Variants in FUT8 observed in about 807,000 individuals in gnomAD.
FUT8 encodes alpha-(1,6)-fucosyltransferase.
FUT8 carries 29 observed loss-of-function variants against 71.3 expected under a neutral mutation model. The ratio of observed to expected loss-of-function variants is 0.41; its 90% CI spans 0.30 to 0.55. The LOEUF is 0.55. Among genes scored for constraint, FUT8 ranks in the 20% least tolerant of loss-of-function variants. FUT8 has a pLI of 0.34. For missense variants in FUT8, 544 were observed against 702.1 expected (o/e 0.77, Z 2.55); for synonymous variants, 254 against 239.3 (o/e 1.06, Z -0.57).
At chr14:65,713,708 GC>G (rs1372532337) in intron 7 of FUT8, among the ~76,000 whole-genome samples, 1 of 152,002 alleles carries the variant, frequency 6.6e-6, no homozygotes, top group Non-Finnish European at 1.5e-5. Context: ...CGGATCTTTT[GC>G]CCATTTTTGA....
intron 1 of FUT8, among the ~76,000 whole-genome samples, chr14:65,424,539 C>CTTTTTTTTTTTTTTTTTTTTTTTTT (rs796843891): frequency 8.0e-6 from 1 of 125,448 alleles, no homozygotes; most frequent in African/African-American, 3.0e-5. Flanking sequence ...CTTTTCTTTT[C>CTTTTTTTTTTTTTTTTTTTTTTTTT]TTTTTTTTTT....
rs544400432 is a variant in FUT8 at position 65,483,947 on chromosome 14, C to T, written c.-228+28229C>T. Among the ~76,000 whole-genome samples, 8 of 152,216 alleles carry T rather than the reference C, an allele frequency of 5.3e-5. No homozygotes were observed. The South Asian group carries it at 1.2e-3, about 24-fold the overall frequency. ...TTCACCATCTTGGCCAGGCTGGTCT[C>T]GAACTCCTGACCTCAAGTATCTGCC... On this transcript the variant is annotated intron_variant, in intron 2 of 10. Coordinates refer to ENST00000673929, the MANE Select transcript of FUT8 (RefSeq NM_001371533.1). The surrounding 1 kb of genome is among the most constrained non-coding windows in gnomAD (Gnocchi z 4.4).
intron 6 of FUT8, among the ~76,000 whole-genome samples, chr14:65,650,542 C>T (rs140857748): frequency 7.3e-5 from 11 of 151,416 alleles, no homozygotes; most frequent in Non-Finnish European, 1.5e-4. Context: ...AGGACTCTAT[C>T]GTGAGAAAAA....
intron 3 of FUT8, among the ~76,000 whole-genome samples, chr14:65,606,989 T>C (rs1012115893): frequency 6.6e-6 from 1 of 151,970 alleles, no homozygotes; most frequent in Non-Finnish European, 1.5e-5. Flanking sequence ...CTGTTGTAAA[T>C]GTGATATTTT....
the FUT8 span, among the ~76,000 whole-genome samples, chr14:65,380,126 G>A: frequency 2.0e-5 from 3 of 152,196 alleles, no homozygotes; most frequent in Admixed American, 6.5e-5. Flanking sequence ...AGAAAAAGAG[G>A]TTTAATTGGA....
chr14:65,570,800 A>G (rs1174546944), intron 3 of FUT8, among the ~76,000 whole-genome samples: 1 of 152,170 alleles, frequency 6.6e-6, no homozygotes. Flanking sequence ...TTTGAGTCCT[A>G]GTGGACGAAC....
chr14:65,536,134 C>T (rs1884295668), intron 2 of FUT8, among the ~76,000 whole-genome samples: 1 of 151,996 alleles, frequency 6.6e-6, no homozygotes, highest in African/African-American at 2.4e-5. Context: ...ATTTTTTAGC[C>T]TACGGGTGTC....
At position 65,441,055 on chromosome 14, in the gene FUT8, C is replaced by T. The variant is rs2065647332; in HGVS notation, c.-325-14566C>T. On this transcript the variant is annotated intron_variant, in intron 1 of 10. Transcript: ENST00000673929. ...GAGGAAAAAAAAGAATGAATATAAG[C>T]TGGTTATATTGAAGTATATTTTACA... Among the ~76,000 whole-genome samples the T allele has an allele frequency of 2.0e-5, 3 of 151,998 alleles. No homozygotes were observed. In the South Asian group the frequency reaches 6.2e-4, roughly 31 times the overall value.
intron 1 of FUT8, among the ~76,000 whole-genome samples, chr14:65,437,749 C>G (rs2065582900): frequency 6.6e-6 from 1 of 152,006 alleles, no homozygotes; most frequent in Non-Finnish European, 1.5e-5. Flanking sequence ...ATCCTTAAAA[C>G]AGCAAGGAAG....
At chr14:65,407,155 TG>T (rs1277764606), upstream of FUT8, among the ~76,000 whole-genome samples, 3 of 152,178 alleles carry the variant, frequency 2.0e-5, no homozygotes, top group African/African-American at 7.2e-5. Context: ...TGAACCAGAT[TG>T]GTGTGATGTG....
At chr14:65,585,536 ATAAT>A (rs1887335989) in intron 3 of FUT8, among the ~76,000 whole-genome samples, 1 of 152,236 alleles carries the variant, frequency 6.6e-6, no homozygotes, top group African/African-American at 2.4e-5. Flanking sequence ...GTCTATATAA[ATAAT>A]ATGAAATGAC....
the FUT8 span, among the ~76,000 whole-genome samples, chr14:65,381,411 A>G: frequency 9.2e-5 from 14 of 152,338 alleles, no homozygotes; most frequent in African/African-American, 3.1e-4. Context: ...TAGATGGCTG[A>G]AAGTGGACAA....
rs960534448 is a variant in FUT8 at position 65,449,745 on chromosome 14, C to T, written c.-325-5876C>T. Among the ~76,000 whole-genome samples, 4 of 152,218 alleles carry T rather than the reference C, an allele frequency of 2.6e-5. No homozygotes were observed. In the South Asian group the frequency reaches 8.3e-4, roughly 32 times the overall value. The stretch of plus-strand genomic sequence containing the variant: ...CAGCCTCTTCTAGGCTGTCGCCACC[C>T]CTGCCTTACCCTATTTCACTGTGGA... On this transcript the variant is annotated intron_variant, in intron 1 of 10. Coordinates refer to ENST00000673929, the MANE Select transcript of FUT8 (RefSeq NM_001371533.1).
intron 2 of FUT8, among the ~76,000 whole-genome samples, chr14:65,471,503 T>C (rs2066146294): frequency 6.6e-6 from 1 of 151,992 alleles, no homozygotes. Flanking sequence ...CTCAGGAAAG[T>C]ATGGGGACCC....
intron 1 of FUT8, among the ~76,000 whole-genome samples, chr14:65,436,423 G>T (rs1460154635): frequency 6.6e-6 from 1 of 152,116 alleles, no homozygotes; most frequent in East Asian, 1.9e-4. Flanking sequence ...GAGGTCAGGA[G>T]ATCGAGACCA....
intron 1 of FUT8, among the ~76,000 whole-genome samples, chr14:65,436,088 G>A (rs1384439993): frequency 6.6e-6 from 1 of 151,846 alleles, no homozygotes; most frequent in Non-Finnish European, 1.5e-5. Flanking sequence ...GTGCCACCAT[G>A]TCTGGCTAGT....
At chr14:65,432,478 C>G (rs979627531) in intron 1 of FUT8, among the ~76,000 whole-genome samples, 5 of 151,216 alleles carry the variant, frequency 3.3e-5, no homozygotes, top group African/African-American at 1.2e-4. Context: ...CCGTCAGATT[C>G]ATTCGCTTGT....
At position 65,478,507 on chromosome 14, in the gene FUT8, T is replaced by C. The variant is rs368478241; in HGVS notation, c.-228+22789T>C. ...TGAATTCTTAAGTGTGATTTTTTTT[T>C]CTAATTTGGGGATAGCTCCTATTTT... On this transcript the variant is annotated intron_variant, in intron 2 of 10. Coordinates refer to ENST00000673929, the MANE Select transcript of FUT8 (RefSeq NM_001371533.1). Among the ~76,000 whole-genome samples the C allele has an allele frequency of 1.2e-4, 19 of 152,278 alleles. 3 individuals carry two copies. Among genetic ancestry groups the C allele is most frequent in the African/African-American group, 4.3e-4 (18 of 41,554 alleles).
chr14:65,631,875 A>G (rs776305080), intron 6 of FUT8, among the ~76,000 whole-genome samples: 5 of 142,330 alleles, frequency 3.5e-5, no homozygotes, highest in Non-Finnish European at 7.7e-5. Flanking sequence ...CCAAGTCCCC[A>G]AAGTTCATTG....
Sources: allele counts gnomAD v4.1 joint callset (sites outside exome capture counted in the v4.1 genomes callset), GRCh38; gene constraint gnomAD v4.1.1; non-coding constraint Gnocchi (gnomAD v3.1); transcripts MANE v1.5; gene names NCBI Gene and HGNC (gene_info 2026-07-23, HGNC 2026-07-21).